The following SHISA9 variants were observed in gnomAD, a reference collection of about 807,000 sequenced individuals.
SHISA9 encodes the protein shisa family member 9.
Under a neutral mutation model 38.0 loss-of-function variants are expected in SHISA9, and 13 were observed. That is an observed-to-expected ratio of 0.34 (90% CI 0.22 to 0.54). The LOEUF (loss-of-function observed/expected upper bound fraction) is 0.54. Ranked by LOEUF, SHISA9 falls within the 20% of genes least tolerant of loss-of-function variation. The pLI is 0.91. For missense variants in SHISA9, 538 were observed against 575.8 expected (o/e 0.93, Z 0.67); for synonymous variants, 275 against 242.0 (o/e 1.14, Z -1.27).
chr16:13,175,966 C>T (rs561155531), intron 2 of SHISA9, among the ~76,000 whole-genome samples: 1 of 152,224 alleles, frequency 6.6e-6, no homozygotes, highest in East Asian at 1.9e-4. Context: ...CTCACTCTCC[C>T]TCTGTCTCTT....
intron 2 of SHISA9, among the ~76,000 whole-genome samples, chr16:13,042,643 C>G (rs2073145572): frequency 6.6e-6 from 1 of 152,170 alleles, no homozygotes; most frequent in Admixed American, 6.5e-5. Context: ...TTTGTGGGTA[C>G]TAAAATGAAG....
chr16:13,303,022 A>C, the SHISA9 span, among the ~76,000 whole-genome samples: 10 of 152,208 alleles, frequency 6.6e-5, no homozygotes, highest in African/African-American at 1.9e-4. Context: ...TCCTTTATAA[A>C]TTACCCAGTC....
At chr16:13,124,691 G>A (rs182284051) in intron 2 of SHISA9, among the ~76,000 whole-genome samples, 12 of 152,212 alleles carry the variant, frequency 7.9e-5, no homozygotes, top group Admixed American at 7.9e-4. Context: ...CAAAGCTGGA[G>A]GAATCACATT....
At chr16:12,959,707 G>C (rs922976426) in intron 2 of SHISA9, among the ~76,000 whole-genome samples, 4 of 152,062 alleles carry the variant, frequency 2.6e-5, no homozygotes, top group African/African-American at 9.7e-5. Flanking sequence ...CTAGGGTGGG[G>C]GTTGAACTGC....
chr16:13,306,362 A>C, the SHISA9 span, among the ~76,000 whole-genome samples: 1 of 152,214 alleles, frequency 6.6e-6, no homozygotes, highest in Admixed American at 6.5e-5. Context: ...TGCAAAGAGC[A>C]GTAAGCCTTT....
At chr16:13,352,793 G>A in the SHISA9 span, among the ~76,000 whole-genome samples, 1 of 148,588 alleles carries the variant, frequency 6.7e-6, no homozygotes. Context: ...AGGAGTGGGG[G>A]TCACAAGGTG....
intron 4 of SHISA9, among the ~76,000 whole-genome samples, chr16:13,233,167 T>C (rs1471704042): frequency 2.6e-5 from 4 of 152,168 alleles, no homozygotes; most frequent in African/African-American, 2.4e-5. Context: ...TGAGAATTTA[T>C]GGTTTGTAGG....
At chr16:13,329,368 G>C in the SHISA9 span, among the ~76,000 whole-genome samples, 5 of 151,952 alleles carry the variant, frequency 3.3e-5, no homozygotes, top group African/African-American at 1.2e-4. Context: ...CATCTTCTTG[G>C]GGCAAGACGA....
At chr16:13,483,295 A>G in the SHISA9 span, among the ~76,000 whole-genome samples, 1 of 151,974 alleles carries the variant, frequency 6.6e-6, no homozygotes, top group African/African-American at 2.4e-5. Context: ...TTTTTAAGGG[A>G]TGGTTTCATG....
At chr16:12,958,432 C>G (rs1015008559) in intron 2 of SHISA9, among the ~76,000 whole-genome samples, 1 of 152,190 alleles carries the variant, frequency 6.6e-6, no homozygotes, top group African/African-American at 2.4e-5. Context: ...AAATTTCCCC[C>G]TGAAGCCCAA....
intron 2 of SHISA9, among the ~76,000 whole-genome samples, chr16:13,121,626 T>G (rs1487201574): frequency 6.6e-6 from 1 of 152,148 alleles, no homozygotes; most frequent in East Asian, 1.9e-4. Context: ...AAATAATTAT[T>G]CTTAATATAC....
chr16:13,406,533 C>T, the SHISA9 span, among the ~76,000 whole-genome samples: 34 of 152,276 alleles, frequency 2.2e-4, no homozygotes, highest in Non-Finnish European at 4.6e-4. Context: ...CATTCTCTTC[C>T]GCTTTCTACT....
rs148584017 is a variant in SHISA9, at chr16:13,068,679, G to C, written c.692-134715G>C. 6.2e-3 allele frequency among the ~76,000 whole-genome samples: 941 copies of C among 152,354 alleles called. 10 individuals are homozygous for C. The highest frequency in any genetic ancestry group is 0.021 in the African/African-American group (890 of 41,576). The stretch of plus-strand genomic sequence containing the variant: ...TGTGGCTGGGCCATTAAGAAGCCTA[G>C]CATCCCCTGCAACCTGTGATGGTAA... On this transcript the variant is annotated intron_variant, in intron 2 of 4. Coordinates refer to ENST00000558583, the MANE Select transcript of SHISA9 (RefSeq NM_001145204.3).
intron 2 of SHISA9, among the ~76,000 whole-genome samples, chr16:13,044,604 C>A (rs372778282): frequency 1.3e-5 from 2 of 152,046 alleles, no homozygotes; most frequent in Non-Finnish European, 2.9e-5. Flanking sequence ...GAGGAAGCAC[C>A]GTGGGGCTCA....
At chr16:13,186,014 C>A (rs143421815) in intron 2 of SHISA9, among the ~76,000 whole-genome samples, 1 of 152,152 alleles carries the variant, frequency 6.6e-6, no homozygotes, top group Non-Finnish European at 1.5e-5. Context: ...TTTTACCCTA[C>A]CTTGAACTCC....
chr16:13,462,906 G>A, the SHISA9 span, among the ~76,000 whole-genome samples: 1 of 152,140 alleles, frequency 6.6e-6, no homozygotes, highest in Non-Finnish European at 1.5e-5. Context: ...AGGTTGCAGG[G>A]AGCCGAGATC....
At chr16:13,379,181 G>A in the SHISA9 span, among the ~76,000 whole-genome samples, 2 of 152,146 alleles carry the variant, frequency 1.3e-5, no homozygotes, top group Non-Finnish European at 2.9e-5. Flanking sequence ...GTGGGCCATG[G>A]TGAGAAGATA....
In SHISA9 at chr16:13,140,173, CCCCTT is replaced by C. The variant is rs1221343991; in HGVS notation, c.692-63210_692-63206del. 1.0e-3 allele frequency among the ~76,000 whole-genome samples: 102 copies of C among 101,186 alleles called. 4 individuals carry two copies. Among genetic ancestry groups the C allele is most frequent in the African/African-American group, 3.6e-3 (95 of 26,512 alleles). 66.4% of individuals were successfully genotyped at this position (101,186 alleles called of 152,430 possible). ...CCCCTCCCCTCCCCTCCCCTCCCCTCCCCTTCCCTTCCCTTTCTTTTTAGACAGAG... is the reference window on the plus strand; with the variant it reads ...CCCCTCCCCTCCCCTCCCCTCCCCTCCCCTTCCCTTTCTTTTTAGACAGAG... On this transcript the variant is annotated intron_variant, in intron 2 of 4. Transcript: ENST00000558583.
intron 2 of SHISA9, among the ~76,000 whole-genome samples, chr16:13,192,172 G>A (rs1211296365): frequency 6.6e-6 from 1 of 152,074 alleles, no homozygotes; most frequent in African/African-American, 2.4e-5. Context: ...GAGCTAAACA[G>A]TAAGTATGCA....
Sources: gnomAD v4.1 joint callset for allele counts (sites outside exome capture counted in the v4.1 genomes callset) on GRCh38, gnomAD v4.1.1 for gene constraint, MANE v1.5 for transcripts, NCBI Gene and HGNC (gene_info 2026-07-23, HGNC 2026-07-21) for gene names.